Variants in FGF12 observed in about 807,000 individuals in gnomAD.
The protein encoded by FGF12 is fibroblast growth factor 12B.
In FGF12, 14 loss-of-function variants were observed where a neutral mutation model predicts 23.6. The observed-to-expected ratio is 0.59, with a 90% CI of 0.39 to 0.93. FGF12 has a LOEUF of 0.93. Among genes scored for constraint, FGF12 ranks in the 40% least tolerant of loss-of-function variants. The pLI, the probability that FGF12 is intolerant of heterozygous loss-of-function variation, is 0.00. For synonymous variants in FGF12, 62 were observed against 77.3 expected, an observed-to-expected ratio of 0.80 and a Z score of 1.04; for missense variants, 175 against 217.8, an observed-to-expected ratio of 0.80 and a Z score of 1.24.
At chr3:192,715,026 T>C (rs1312544593) in intron 2 of FGF12, among the ~76,000 whole-genome samples, 1 of 152,222 alleles carries the variant, frequency 6.6e-6, no homozygotes, top group Non-Finnish European at 1.5e-5. Flanking sequence ...ACTGGGTCAC[T>C]GCATTTCTTC....
intron 4 of FGF12, among the ~76,000 whole-genome samples, chr3:192,213,011 G>T (rs1718014056): frequency 6.6e-6 from 1 of 152,178 alleles, no homozygotes; most frequent in African/African-American, 2.4e-5. Flanking sequence ...GGTACCAATG[G>T]TCTTTGTCCC....
intron 2 of FGF12, among the ~76,000 whole-genome samples, chr3:192,388,883 T>C (rs1456322017): frequency 6.6e-6 from 1 of 152,008 alleles, no homozygotes; most frequent in Non-Finnish European, 1.5e-5. Flanking sequence ...TTTCACTATG[T>C]CTTATGAAAT....
chr3:192,433,644 A>C (rs145771613), intron 2 of FGF12, among the ~76,000 whole-genome samples: 37 of 152,362 alleles, frequency 2.4e-4, no homozygotes, highest in African/African-American at 8.7e-4. Context: ...AAAGTTAAGA[A>C]TTGTTAAATT....
At chr3:192,162,889 C>A (rs1399510693) in intron 5 of FGF12, among the ~76,000 whole-genome samples, 1 of 152,092 alleles carries the variant, frequency 6.6e-6, no homozygotes, top group African/African-American at 2.4e-5. Flanking sequence ...TCATGCAATG[C>A]CACATCTCAC....
intron 5 of FGF12, among the ~76,000 whole-genome samples, chr3:192,167,741 AT>A (rs1715257406): frequency 9.3e-5 from 2 of 21,510 alleles, no homozygotes; most frequent in African/African-American, 4.8e-4. Context: ...GTATATATAT[AT>A]ATATATATAT....
chr3:192,477,840 A>C (rs1381451724), intron 2 of FGF12, among the ~76,000 whole-genome samples: 4 of 152,212 alleles, frequency 2.6e-5, no homozygotes, highest in South Asian at 2.1e-4. Context: ...CAGGTTCATG[A>C]CACAATAGAA....
chr3:192,372,020 C>T (rs1425017470), intron 2 of FGF12, among the ~76,000 whole-genome samples: 4 of 152,194 alleles, frequency 2.6e-5, no homozygotes, highest in African/African-American at 9.6e-5. Context: ...CTTTTGGCCT[C>T]CTGTCACAAA....
intron 2 of FGF12, among the ~76,000 whole-genome samples, chr3:192,473,765 G>A (rs755247199): frequency 3.9e-5 from 6 of 152,192 alleles, no homozygotes; most frequent in Admixed American, 1.3e-4. Context: ...TGCACTGGCC[G>A]TGTGACCAAA....
intron 2 of FGF12, among the ~76,000 whole-genome samples, chr3:192,425,506 G>A (rs1697361842): frequency 6.6e-6 from 1 of 152,168 alleles, no homozygotes; most frequent in Non-Finnish European, 1.5e-5. Context: ...CTCCAGGGCA[G>A]CGATCCTATG....
intron 4 of FGF12, among the ~76,000 whole-genome samples, chr3:192,240,187 T>C (rs1015977442): frequency 5.9e-5 from 9 of 152,160 alleles, no homozygotes; most frequent in Non-Finnish European, 1.0e-4. Flanking sequence ...CATTTTTCCA[T>C]ATGTTTGTTA....
intron 4 of FGF12, among the ~76,000 whole-genome samples, chr3:192,194,865 T>C (rs1716981964): frequency 1.3e-5 from 2 of 152,232 alleles, no homozygotes; most frequent in South Asian, 2.1e-4. Flanking sequence ...GTGCAACCAA[T>C]ATTAAATGTT....
rs1007768982 is a variant in FGF12 at position 192,432,639 on chromosome 3, A to AAAAG, written c.14-72105_14-72102dup. ...ATCTGGCAAAAAAAAAAAAAAAAAA[A>AAAAG]AAAGAAAGAAAGAAAGAAAGAAAAG... On this transcript the variant is annotated intron_variant, in intron 2 of 5. Transcript: ENST00000445105. Among the ~76,000 whole-genome samples the AAAAG allele has an allele frequency of 1.5e-3, 201 of 137,104 alleles. 1 individual carries two copies. Among genetic ancestry groups the AAAAG allele is most frequent in the African/African-American group, 4.1e-3 (144 of 35,074 alleles). 89.9% of individuals were successfully genotyped at this position (137,104 alleles called of 152,430 possible). A position where few individuals can be genotyped will look rare whatever the true frequency, so the allele number is the denominator to read the frequency against.
chr3:192,406,564 C>T (rs1720965645), intron 2 of FGF12, among the ~76,000 whole-genome samples: 1 of 152,066 alleles, frequency 6.6e-6, no homozygotes, highest in African/African-American at 2.4e-5. Flanking sequence ...TAAATCTTCA[C>T]TTTATAAAAT....
At chr3:192,212,193 G>A (rs1394532701) in intron 4 of FGF12, among the ~76,000 whole-genome samples, 7 of 152,144 alleles carry the variant, frequency 4.6e-5, no homozygotes, top group African/African-American at 9.7e-5. Flanking sequence ...GCTGCAAACC[G>A]CTGAGTTGTT....
At chr3:192,368,815 C>A (rs957611823) in intron 2 of FGF12, among the ~76,000 whole-genome samples, 2 of 152,176 alleles carry the variant, frequency 1.3e-5, no homozygotes, top group Non-Finnish European at 2.9e-5. Context: ...AGACTGAAAT[C>A]TTTACTAACA....
intron 3 of FGF12, among the ~76,000 whole-genome samples, chr3:192,350,900 G>A (rs548366013): frequency 2.0e-5 from 3 of 152,206 alleles, no homozygotes; most frequent in Admixed American, 6.5e-5. Context: ...AGGCTGATGC[G>A]GGGAAGCTTT....
chr3:192,452,993 C>G (rs773873175), intron 2 of FGF12, among the ~76,000 whole-genome samples: 8 of 152,134 alleles, frequency 5.3e-5, no homozygotes, highest in Non-Finnish European at 8.8e-5. Flanking sequence ...TCCATAATTC[C>G]AGACAATTTT....
At position 192,288,273 on chromosome 3, in the gene FGF12, G is replaced by A. The variant is rs1278980867; in HGVS notation, c.228+47088C>T. Among the ~76,000 whole-genome samples the A allele has an allele frequency of 1.3e-5, 2 of 152,070 alleles. 1 individual carries two copies. The highest frequency in any genetic ancestry group is 2.9e-5 in the Non-Finnish European group (2 of 67,996). On this transcript the variant is annotated intron_variant, in intron 4 of 5. Transcript: ENST00000445105. ...AAATAAATTCACAGCAGGAACAAGAGTGATTTATAGCAATTAATGCAGAAT... is the reference window on the plus strand; with the variant it reads ...AAATAAATTCACAGCAGGAACAAGAATGATTTATAGCAATTAATGCAGAAT...
intron 2 of FGF12, among the ~76,000 whole-genome samples, chr3:192,396,335 A>G (rs892198259): frequency 1.3e-5 from 2 of 152,210 alleles, no homozygotes; most frequent in Non-Finnish European, 2.9e-5. Context: ...CAAATACTCA[A>G]TGGGTGTCTA....
Sources: gnomAD v4.1 joint callset for allele counts (sites outside exome capture counted in the v4.1 genomes callset) on GRCh38, gnomAD v4.1.1 for gene constraint, MANE v1.5 for transcripts, NCBI Gene and HGNC (gene_info 2026-07-23, HGNC 2026-07-21) for gene names.